The following PITPNC1 variants were observed in gnomAD, a reference collection of about 807,000 sequenced individuals.
PITPNC1 encodes cytoplasmic phosphatidylinositol transfer protein 1.
Under a neutral mutation model 44.7 loss-of-function variants are expected in PITPNC1, and 18 were observed. The observed-to-expected ratio is 0.40, with a 90% CI of 0.28 to 0.60. The LOEUF (loss-of-function observed/expected upper bound fraction) is 0.60, where lower values mean the gene tolerates loss of function less well. PITPNC1 is among the 20% of genes least tolerant of loss of function. The probability of loss-of-function intolerance (pLI) is 0.39; values close to 1 mark genes in which losing one functional copy is unlikely to be tolerated. For missense variants in PITPNC1, 290 were observed against 418.4 expected (o/e 0.69, Z 2.68); for synonymous variants, 141 against 149.6 (o/e 0.94, Z 0.42).
chr17:67,428,167 C>T (rs181236195), intron 1 of PITPNC1, among the ~76,000 whole-genome samples: 1 of 152,118 alleles, frequency 6.6e-6, no homozygotes, highest in East Asian at 1.9e-4. Flanking sequence ...GCTCAGTCTT[C>T]TATTTAAATA....
intron 6 of PITPNC1, among the ~76,000 whole-genome samples, chr17:67,633,411 G>C (rs144284605): frequency 3.9e-4 from 60 of 152,242 alleles, no homozygotes; most frequent in African/African-American, 1.4e-3. Context: ...GGTTCATTTC[G>C]GTATAAAAGT....
In PITPNC1 at chr17:67,477,241, CTTTT is replaced by C. The variant is rs3052411; in HGVS notation, c.49-55542_49-55539del. ...CAGGTGTGTGCCAACACACCCAGCT[CTTTT>C]TTTTTTTTTTTTTTTTTTGAGATGG... On this transcript the variant is annotated intron_variant, in intron 1 of 8. Transcript: ENST00000581322. 7.5e-4 allele frequency among the ~76,000 whole-genome samples: 73 copies of C among 97,018 alleles called. No homozygotes were observed. In the South Asian group the frequency reaches 0.011, roughly 15 times the overall value. 63.6% of individuals were successfully genotyped at this position (97,018 alleles called of 152,430 possible). A position where few individuals can be genotyped will look rare whatever the true frequency, so the allele number is the denominator to read the frequency against.
intron 6 of PITPNC1, among the ~76,000 whole-genome samples, chr17:67,653,689 C>G (rs1301281602): frequency 1.3e-5 from 2 of 148,946 alleles, no homozygotes; most frequent in Non-Finnish European, 3.0e-5. Flanking sequence ...TTTCCTGAAG[C>G]CTCCAAGGTG....
Position 67,394,727 on chromosome 17 carries a change from G to T in PITPNC1, c.48+16525G>T, listed in dbSNP as rs369206189. Among the ~76,000 whole-genome samples, 68 of 152,038 alleles carry T rather than the reference G, an allele frequency of 4.5e-4. 1 individual carries two copies. In the East Asian group the frequency reaches 0.01, roughly 23 times the overall value. On this transcript the variant is annotated intron_variant, in intron 1 of 8. Transcript: ENST00000581322. ...GACCATCCTGGCTAAACCCCGTCTC[G>T]ACTAAAAATACAAAATATTAGCCAG... is the stretch of plus-strand genomic sequence containing the variant.
chr17:67,504,822 G>A (rs142401957), intron 1 of PITPNC1, among the ~76,000 whole-genome samples: 47 of 152,236 alleles, frequency 3.1e-4, no homozygotes, highest in Non-Finnish European at 5.3e-4. Flanking sequence ...TCAGGTGGAA[G>A]GTTAAGTTAT....
At chr17:67,687,075 T>A (rs751673921) in intron 8 of PITPNC1, 1 of 1,599,404 alleles carries the variant, frequency 6.3e-7, no homozygotes, top group Non-Finnish European at 8.6e-7. Flanking sequence ...GATATGACAA[T>A]GGATGATGTT....
chr17:67,657,493 G>A (rs1471539277), intron 6 of PITPNC1, among the ~76,000 whole-genome samples: 1 of 150,576 alleles, frequency 6.6e-6, no homozygotes, highest in Non-Finnish European at 1.5e-5. Context: ...AAAGAACATC[G>A]AGCTAGAAGT....
chr17:67,379,500 T>A (rs372568056), intron 1 of PITPNC1: 169 of 409,394 alleles, frequency 4.1e-4, no homozygotes, highest in African/African-American at 3.6e-3. Context: ...TCCACCAGAA[T>A]GAACAACCGA....
intron 6 of PITPNC1, chr17:67,637,958 A>G (rs1481069541): frequency 6.6e-6 from 1 of 151,906 alleles, no homozygotes; most frequent in Non-Finnish European, 1.5e-5. Flanking sequence ...CTGCCCGCCC[A>G]TAAGAGTCAT....
Position 67,689,446 on chromosome 17 carries a change from G to A in PITPNC1, c.683-3126G>A, listed in dbSNP as rs181326357. ...CATTTCCATTATCCTTTGGAATTCCGTGAAATTGGAGCACATTTATTTTTC... is the reference window on the plus strand; with the variant it reads ...CATTTCCATTATCCTTTGGAATTCCATGAAATTGGAGCACATTTATTTTTC... On this transcript the variant is annotated intron_variant, in intron 8 of 8. Transcript: ENST00000581322. 2.0e-3 allele frequency among the ~76,000 whole-genome samples: 303 copies of A among 152,126 alleles called. 2 individuals are homozygous for A. Among genetic ancestry groups the A allele is most frequent in the Non-Finnish European group, 3.5e-3 (240 of 68,010 alleles).
intron 6 of PITPNC1, among the ~76,000 whole-genome samples, chr17:67,659,219 C>G (rs2042309348): frequency 6.6e-6 from 1 of 152,044 alleles, no homozygotes; most frequent in Admixed American, 6.6e-5. Flanking sequence ...GAGCAACAGC[C>G]CCAAAATTTA....
chr17:67,396,571 T>C (rs2038223599), intron 1 of PITPNC1, among the ~76,000 whole-genome samples: 2 of 152,026 alleles, frequency 1.3e-5, no homozygotes, highest in Non-Finnish European at 2.9e-5. Flanking sequence ...GGTTTCATCA[T>C]GTTGGCCAGG....
chr17:67,669,843 G>A (rs558272151), intron 7 of PITPNC1, among the ~76,000 whole-genome samples, 180 bp downstream of exon 7: 44 of 152,186 alleles, frequency 2.9e-4, no homozygotes, highest in South Asian at 2.3e-3. Context: ...AGGCCGAGGC[G>A]GGTAGATCAC....
chr17:67,657,068 G>C (rs80196150), intron 6 of PITPNC1, among the ~76,000 whole-genome samples: 1 of 152,072 alleles, frequency 6.6e-6, no homozygotes, highest in Non-Finnish European at 1.5e-5. Context: ...TGAGGAGGAG[G>C]GGGTAGAATG....
intron 1 of PITPNC1, among the ~76,000 whole-genome samples, chr17:67,404,804 C>T (rs772004661): frequency 1.3e-5 from 2 of 152,162 alleles, no homozygotes; most frequent in Non-Finnish European, 1.5e-5. Flanking sequence ...CTTTCTGGAG[C>T]TGGTGGCCAG....
chr17:67,494,214 T>TTTCTTTCTTTCTTTCTTTCTTTCTTTCC (rs2039908936), intron 1 of PITPNC1, among the ~76,000 whole-genome samples: 1 of 149,836 alleles, frequency 6.7e-6, no homozygotes, highest in Non-Finnish European at 1.5e-5. Flanking sequence ...TCTTTCTTTC[T>TTTCTTTCTTTCTTTCTTTCTTTCTTTCC]TTTTGAGACG....
At chr17:67,391,469 G>GT (rs2038138479) in intron 1 of PITPNC1, among the ~76,000 whole-genome samples, 1 of 151,866 alleles carries the variant, frequency 6.6e-6, no homozygotes, top group Non-Finnish European at 1.5e-5. Context: ...AAAATAACTA[G>GT]TTTATGTATT....
chr17:67,451,398 A>G (rs1247101653), intron 1 of PITPNC1, among the ~76,000 whole-genome samples: 1 of 152,096 alleles, frequency 6.6e-6, no homozygotes, highest in East Asian at 1.9e-4. Context: ...TTTCAGTAAA[A>G]CAACAAAAGC....
chr17:67,409,109 G>A (rs538758956), intron 1 of PITPNC1, among the ~76,000 whole-genome samples: 3 of 118,062 alleles, frequency 2.5e-5, no homozygotes, highest in East Asian at 2.4e-4. Flanking sequence ...ACGGAGTCTC[G>A]CTCTGTCGCC....
Sources: allele counts gnomAD v4.1 joint callset (sites outside exome capture counted in the v4.1 genomes callset), GRCh38; gene constraint gnomAD v4.1.1; transcripts MANE v1.5; gene names NCBI Gene and HGNC (gene_info 2026-07-23, HGNC 2026-07-21).